PDCD1LG2: variants seen among roughly 807,000 people sequenced by gnomAD.
PDCD1LG2 encodes programmed cell death 1 ligand 2, also known as B7 dendritic cell molecule.
Under a neutral mutation model 28.2 loss-of-function variants are expected in PDCD1LG2, and 32 were observed. The observed-to-expected ratio is 1.13, with a 90% confidence interval of 0.86 to 1.52. PDCD1LG2 has a LOEUF of 1.52. PDCD1LG2 is among the 40% of genes most tolerant of loss of function. PDCD1LG2 has a pLI of 0.00. For missense variants in PDCD1LG2, 385 were observed against 323.8 expected (o/e 1.19, Z -1.45); for synonymous variants, 116 against 120.2 (o/e 0.97, Z 0.23).
At chr9:5,518,573 A>T (rs1820212689) in intron 1 of PDCD1LG2, among the ~76,000 whole-genome samples, 1 of 152,354 alleles carries the variant, frequency 6.6e-6, no homozygotes, top group Non-Finnish European at 1.5e-5. Flanking sequence ...GGTCAAGCTA[A>T]GGTATGCCAT....
In PDCD1LG2 at chr9:5,541,603, T is replaced by C. The variant is rs144962952; in HGVS notation, c.361+6553T>C. Among the ~76,000 whole-genome samples the C allele has an allele frequency of 1.3e-3, 195 of 152,146 alleles. 1 individual carries two copies. Among genetic ancestry groups the C allele is most frequent in the African/African-American group, 4.4e-3 (182 of 41,532 alleles). On this transcript the variant is annotated intron_variant, in intron 3 of 6. Transcript: ENST00000397747. ...AAATAAAATAAAATACTTAGGAATA[T>C]ACCTAACGAAGGACATGAAAGACCT...
In PDCD1LG2 at chr9:5,537,424, T is replaced by A. The variant is rs1348270941; in HGVS notation, c.361+2374T>A. On this transcript the variant is annotated intron_variant, in intron 3 of 6. Transcript: ENST00000397747. ...TTTCATCTTTCATGTTTAATAATTA[T>A]CAATATTCATAACATTTTACATTTT... Among the ~76,000 whole-genome samples the A allele has an allele frequency of 2.6e-5, 4 of 152,358 alleles. No homozygotes were observed. In the East Asian group the frequency reaches 7.7e-4, roughly 29 times the overall value.
intron 1 of PDCD1LG2, among the ~76,000 whole-genome samples, 191 bp downstream of exon 1, chr9:5,510,994 C>A (rs1270384757): frequency 6.6e-6 from 1 of 152,182 alleles, no homozygotes; most frequent in Non-Finnish European, 1.5e-5. Context: ...CTCACTTGTT[C>A]CTATGCATAT....
intron 3 of PDCD1LG2, among the ~76,000 whole-genome samples, chr9:5,539,486 T>A (rs1820648291): frequency 6.6e-6 from 1 of 152,154 alleles, no homozygotes; most frequent in Non-Finnish European, 1.5e-5. Context: ...TCAAATATAA[T>A]GAAAAGAGTT....
chr9:5,565,649 C>A (rs1271830021), intron 6 of PDCD1LG2, among the ~76,000 whole-genome samples: 2 of 152,110 alleles, frequency 1.3e-5, no homozygotes, highest in Non-Finnish European at 2.9e-5. Flanking sequence ...TCCACCTGGT[C>A]AATATAATAA....
intron 3 of PDCD1LG2, among the ~76,000 whole-genome samples, chr9:5,536,828 C>T (rs557329799): frequency 6.6e-6 from 1 of 152,160 alleles, no homozygotes; most frequent in Non-Finnish European, 1.5e-5. Flanking sequence ...GTTCCTAGAT[C>T]CTCATCTTCC....
chr9:5,551,802 A>G (rs1386385575), intron 4 of PDCD1LG2, among the ~76,000 whole-genome samples: 2 of 152,206 alleles, frequency 1.3e-5, no homozygotes, highest in African/African-American at 2.4e-5. Flanking sequence ...ACAGTCCCCA[A>G]TTGTACTGTT....
rs140600377 is a variant in PDCD1LG2 at position 5,562,236 on chromosome 9, C to A, written c.767-926C>A. On this transcript the variant is annotated intron_variant, in intron 5 of 6. Coordinates refer to ENST00000397747, the MANE Select transcript of PDCD1LG2 (RefSeq NM_025239.4). ...ATGATTGCAAAGATATGAAACCAAC[C>A]TAAGATCCCATTGACGAATAAGTGG... Among the ~76,000 whole-genome samples, 271 of 152,236 alleles carry A rather than the reference C, an allele frequency of 1.8e-3. 2 individuals are homozygous for A. The highest frequency in any genetic ancestry group is 3.0e-3 in the Non-Finnish European group (206 of 68,018).
At chr9:5,558,385 C>T (rs1816489641) in intron 5 of PDCD1LG2, among the ~76,000 whole-genome samples, 1 of 152,126 alleles carries the variant, frequency 6.6e-6, no homozygotes, top group Non-Finnish European at 1.5e-5. Flanking sequence ...CCTTTCAGCC[C>T]TGATTTCATT....
Position 5,557,649 on chromosome 9 carries a change from G to C in PDCD1LG2, c.663G>C (p.Trp221Cys), listed in dbSNP as rs1219210151. 1 of 1,613,934 alleles carries C rather than the reference G, an allele frequency of 6.2e-7. No individual in the cohort carries two copies. Among genetic ancestry groups the C allele is most frequent in the South Asian group, 1.1e-5 (1 of 91,076 alleles). ...TGGAACCCAGGACCCATCCAACTTG[G>C]CTGCTTCACATTTTCATCCCCTTCT... is the stretch of plus-strand genomic sequence containing the variant. ...SQMEPRTHPT[W>C]LLHIFIPFCI... The change falls in exon 5 of 7, where the codon TGG (tryptophan) becomes TGC (cysteine). Residue 221 changes from tryptophan to cysteine, a missense_variant. By Grantham distance (215) the Trp-to-Cys change is radical (BLOSUM62 -2). Transcript: ENST00000397747.
rs1044763674 is a variant in PDCD1LG2 at position 5,557,583 on chromosome 9, A to G, written c.632-35A>G. 2.5e-6 allele frequency: 4 copies of G among 1,612,656 alleles called. No individual in the cohort carries two copies. The African/African-American group carries it at 5.3e-5, about 22-fold the overall frequency. On this transcript the variant is annotated intron_variant, in intron 4 of 6. Coordinates refer to ENST00000397747, the MANE Select transcript of PDCD1LG2 (RefSeq NM_025239.4). ...CCTGTTGGTCTACCTCTTAGTTGCC[A>G]TGTAACAGGATTCTGGTGCTTTTCC...
intron 3 of PDCD1LG2, among the ~76,000 whole-genome samples, chr9:5,539,976 T>C (rs1323552484): frequency 3.3e-5 from 5 of 152,220 alleles, no homozygotes; most frequent in East Asian, 1.9e-4. Context: ...TTCTCCAAGA[T>C]AGACTATATA....
intron 1 of PDCD1LG2, among the ~76,000 whole-genome samples, chr9:5,511,951 G>T (rs910392856): frequency 1.3e-5 from 2 of 152,182 alleles, no homozygotes; most frequent in African/African-American, 4.8e-5. Flanking sequence ...CTTAGTGGGT[G>T]CTTGCCGAAT....
chr9:5,553,991 C>T (rs77506191), intron 4 of PDCD1LG2, among the ~76,000 whole-genome samples: 7,823 of 152,110 alleles, frequency 0.051, 659 homozygotes, highest in African/African-American at 0.17. Flanking sequence ...CATTATTTCC[C>T]TCTCTACTAG....
In PDCD1LG2 at chr9:5,555,626, GT is replaced by G. The variant is rs554840916; in HGVS notation, c.632-1991del. 1.2e-4 allele frequency among the ~76,000 whole-genome samples: 18 copies of G among 152,304 alleles called. 1 individual carries two copies. The highest frequency in any genetic ancestry group is 1.2e-3 in the Admixed American group (18 of 15,304). ...CAGCTAAGCAGCTATGTTCCATAGA[GT>G]CATTCAGTGATCCAGATTATTTTCA... is the stretch of plus-strand genomic sequence containing the variant. On this transcript the variant is annotated intron_variant, in intron 4 of 6. Coordinates refer to ENST00000397747, the MANE Select transcript of PDCD1LG2 (RefSeq NM_025239.4).
chr9:5,552,765 T>C (rs971590084), intron 4 of PDCD1LG2, among the ~76,000 whole-genome samples: 5 of 152,094 alleles, frequency 3.3e-5, no homozygotes, highest in African/African-American at 1.2e-4. Context: ...CTGGAAAAAA[T>C]TCTTCCCTGA....
intron 1 of PDCD1LG2, among the ~76,000 whole-genome samples, chr9:5,515,922 C>CAAAAAAAAA (rs1204038026): frequency 2.8e-3 from 86 of 30,262 alleles, no homozygotes; most frequent in African/African-American, 5.5e-3. Context: ...GACTCCATCT[C>CAAAAAAAAA]AAAAAAAAAA....
At chr9:5,557,874 A>G in intron 5 of PDCD1LG2, 122 bp downstream of exon 5, 1 of 1,206,768 alleles carries the variant, frequency 8.3e-7, no homozygotes, top group South Asian at 1.4e-5. Flanking sequence ...CTTATGAACC[A>G]CTTTGAGCTT....
Position 5,570,293 on chromosome 9 carries a change from C to A in PDCD1LG2, c.*334C>A. On this transcript the variant is annotated 3_prime_UTR_variant, in exon 7 of 7. Transcript: ENST00000397747. ...GAAAGCAAAAGGAATTATTTCCCCTCAAGTTTTCTAAGTGATTTCCAAAAG... is the reference window on the plus strand; with the variant it reads ...GAAAGCAAAAGGAATTATTTCCCCTAAAGTTTTCTAAGTGATTTCCAAAAG... 1 of 296,788 alleles carries A rather than the reference C, an allele frequency of 3.4e-6. No homozygotes were observed. The highest frequency in any genetic ancestry group is 6.3e-6 in the Non-Finnish European group (1 of 158,648). The allele number at this position is 296,788 out of a possible 1,614,324, so 18.4% of individuals were successfully genotyped here.
Sources: allele counts gnomAD v4.1 joint callset (sites outside exome capture counted in the v4.1 genomes callset), GRCh38; gene constraint gnomAD v4.1.1; transcripts MANE v1.5; gene names NCBI Gene and HGNC (gene_info 2026-07-23, HGNC 2026-07-21).